Variants in DOCK2 observed in about 807,000 individuals in gnomAD.
DOCK2 encodes the protein dedicator of cytokinesis protein 2.
Under a neutral mutation model 248.9 loss-of-function variants are expected in DOCK2, and 87 were observed. The observed-to-expected ratio is 0.35, with a 90% CI of 0.29 to 0.42. DOCK2 has a LOEUF of 0.42. Ranked by LOEUF, DOCK2 falls within the 10% of genes least tolerant of loss-of-function variation. The pLI, the probability that DOCK2 is intolerant of heterozygous loss-of-function variation, is 1.00. For synonymous variants in DOCK2, 805 were observed against 821.6 expected, an observed-to-expected ratio of 0.98 and a Z score of 0.35; for missense variants, 1,747 against 2,300.2, an observed-to-expected ratio of 0.76 and a Z score of 4.92.
At chr5:169,799,918 C>A (rs1766865646) in intron 25 of DOCK2, among the ~76,000 whole-genome samples, 1 of 152,122 alleles carries the variant, frequency 6.6e-6, no homozygotes, top group East Asian at 1.9e-4. Flanking sequence ...GATCTTCTCA[C>A]TTCAGCCTCC....
intron 2 of DOCK2, among the ~76,000 whole-genome samples, chr5:169,663,469 A>C (rs73316236): frequency 0.039 from 5,894 of 152,310 alleles, 398 homozygotes; most frequent in African/African-American, 0.13. Flanking sequence ...TCCCTGCTGC[A>C]CTGCCCTAGT....
chr5:169,749,789 C>T (rs188652829), intron 23 of DOCK2, among the ~76,000 whole-genome samples: 8 of 152,268 alleles, frequency 5.3e-5, no homozygotes, highest in Admixed American at 4.6e-4. Flanking sequence ...TTTATTTTTC[C>T]CTTACCCCCT....
At chr5:169,862,170 A>G (rs373898353) in intron 27 of DOCK2, among the ~76,000 whole-genome samples, 1 of 152,186 alleles carries the variant, frequency 6.6e-6, no homozygotes, top group Non-Finnish European at 1.5e-5. Flanking sequence ...GGAACGTGCT[A>G]AGAGTTTATA....
At chr5:169,969,408 G>A (rs1777419534) in intron 27 of DOCK2, among the ~76,000 whole-genome samples, 1 of 152,160 alleles carries the variant, frequency 6.6e-6, no homozygotes, top group Non-Finnish European at 1.5e-5. Flanking sequence ...TCACGCCACT[G>A]CACTCCAGCC....
At chr5:169,749,145 C>A (rs181518412) in intron 23 of DOCK2, among the ~76,000 whole-genome samples, 1 of 152,332 alleles carries the variant, frequency 6.6e-6, no homozygotes, top group Admixed American at 6.5e-5. Flanking sequence ...ACTTTAAATT[C>A]TTCTTTGATA....
chr5:169,667,598 G>A (rs1561582101), intron 2 of DOCK2, among the ~76,000 whole-genome samples: 1 of 152,222 alleles, frequency 6.6e-6, no homozygotes, highest in Non-Finnish European at 1.5e-5. Flanking sequence ...GCAGCAGGGT[G>A]TTGCTTGAGT....
intron 2 of DOCK2, among the ~76,000 whole-genome samples, chr5:169,666,611 G>T (rs1339956172): frequency 6.6e-6 from 1 of 152,172 alleles, no homozygotes; most frequent in Admixed American, 6.5e-5. Context: ...TAGCTGATTG[G>T]TGACCATATT....
chr5:170,042,204 T>C, intron 38 of DOCK2, 72 bp downstream of exon 38: 1 of 1,481,042 alleles, frequency 6.8e-7, no homozygotes, highest in Non-Finnish European at 9.1e-7. Context: ...ATACCTTACA[T>C]CCAATCCATC....
At chr5:169,754,850 G>T (rs1266839789) in intron 23 of DOCK2, among the ~76,000 whole-genome samples, 2 of 152,112 alleles carry the variant, frequency 1.3e-5, no homozygotes, top group South Asian at 2.1e-4. Context: ...GTAGTTGAAA[G>T]AATTAAATGA....
intron 10 of DOCK2, 88 bp downstream of exon 10, chr5:169,696,026 C>T (rs1427750076): frequency 2.3e-5 from 33 of 1,461,696 alleles, no homozygotes; most frequent in Non-Finnish European, 2.5e-5. Context: ...TCCCAACCGC[C>T]TCCTGCTGCC....
chr5:169,999,260 C>T (rs1680335765), intron 30 of DOCK2, among the ~76,000 whole-genome samples: 1 of 152,052 alleles, frequency 6.6e-6, no homozygotes, highest in Admixed American at 6.6e-5. Flanking sequence ...TGACTTTAGA[C>T]AAATTACTTC....
At chr5:170,079,477 G>A (rs1757950978) in intron 49 of DOCK2, 1 of 296,612 alleles carries the variant, frequency 3.4e-6, no homozygotes, top group Non-Finnish European at 6.7e-6. Context: ...CAGCCCACTT[G>A]GTACTGAGCT....
chr5:169,866,328 G>C (rs879652713), intron 27 of DOCK2, among the ~76,000 whole-genome samples: 1 of 152,170 alleles, frequency 6.6e-6, no homozygotes, highest in African/African-American at 2.4e-5. Flanking sequence ...TGAAACATAG[G>C]CTGTGGTTTT....
chr5:169,693,077 T>A (rs1197252693), intron 9 of DOCK2, among the ~76,000 whole-genome samples: 1 of 152,148 alleles, frequency 6.6e-6, no homozygotes, highest in East Asian at 1.9e-4. Flanking sequence ...TACCAGGGCC[T>A]CTGTCGCTCT....
chr5:169,855,827 A>T (rs1033792678), intron 27 of DOCK2, among the ~76,000 whole-genome samples: 27 of 152,340 alleles, frequency 1.8e-4, no homozygotes, highest in African/African-American at 6.3e-4. Context: ...GAGAATATGT[A>T]TTGGTCTGTT....
intron 27 of DOCK2, among the ~76,000 whole-genome samples, chr5:169,917,752 CAGAA>C (rs967935833): frequency 5.3e-5 from 8 of 152,154 alleles, no homozygotes; most frequent in African/African-American, 1.2e-4. Flanking sequence ...ATGTCACACT[CAGAA>C]AGGGATTTTT....
At chr5:169,864,460 C>G in intron 27 of DOCK2, 1 of 1,525,948 alleles carries the variant, frequency 6.6e-7, no homozygotes, top group Non-Finnish European at 8.8e-7. Flanking sequence ...ATACTCTACA[C>G]TGAAAAACAC....
intron 27 of DOCK2, among the ~76,000 whole-genome samples, chr5:169,973,296 G>A (rs1416372909): frequency 1.3e-5 from 2 of 152,134 alleles, no homozygotes; most frequent in Non-Finnish European, 1.5e-5. Context: ...CCACAGGGGG[G>A]TTTAAATCAT....
At chr5:170,057,427 G>A (rs1053806733) in intron 43 of DOCK2, 153 bp from the exon 44 acceptor site, 1 of 706,986 alleles carries the variant, frequency 1.4e-6, no homozygotes, top group African/African-American at 1.7e-5. Flanking sequence ...TAAGGTGAGA[G>A]CGTGTTTCTG....
Sources: allele counts gnomAD v4.1 joint callset (sites outside exome capture counted in the v4.1 genomes callset), GRCh38; gene constraint gnomAD v4.1.1; transcripts MANE v1.5; gene names NCBI Gene and HGNC (gene_info 2026-07-23, HGNC 2026-07-21).